The following C6orf62 variants were observed in gnomAD, a reference collection of about 807,000 sequenced individuals.
The protein encoded by C6orf62 is uncharacterized protein C6orf62.
A neutral mutation model predicts 26.8 loss-of-function variants in C6orf62; 16 were observed. The observed-to-expected ratio is 0.60, with a 90% CI of 0.40 to 0.91. The LOEUF is 0.91. Ranked by LOEUF, C6orf62 falls within the 40% of genes least tolerant of loss-of-function variation. The pLI is 0.00. For missense variants in C6orf62, 192 were observed against 271.4 expected (o/e 0.71, Z 2.06); for synonymous variants, 112 against 91.5 (o/e 1.22, Z -1.28).
rs1258442476 is a variant in C6orf62, at chr6:24,718,525, A to C, written c.129+15T>G. 1.9e-6 allele frequency: 3 copies of C among 1,587,888 alleles called. No homozygotes were observed. The African/African-American group carries it at 4.1e-5, about 22-fold the overall frequency. On this transcript the variant is annotated intron_variant, in intron 1 of 4. Transcript: ENST00000378119. ...AATTACTTGTGCTAATTCACCATTA[A>C]GAACTTTAAATTACCTTCTCCTTGA...
chr6:24,720,119 T>C, upstream of C6orf62: 1 of 1,355,792 alleles, frequency 7.4e-7, no homozygotes, highest in Non-Finnish European at 9.4e-7. Context: ...GGTCGTTAGT[T>C]GTTTCCCGAG....
chr6:24,718,411 C>G (rs1468318797), intron 1 of C6orf62, 129 bp downstream of exon 1: 1 of 892,292 alleles, frequency 1.1e-6, no homozygotes. Flanking sequence ...GGTGAAAAAA[C>G]AGAGCATACA....
intron 2 of C6orf62, among the ~76,000 whole-genome samples, chr6:24,715,228 A>G (rs1187850993): frequency 1.3e-5 from 2 of 152,184 alleles, no homozygotes; most frequent in Admixed American, 6.5e-5. Context: ...TTGAAGGTCC[A>G]TAATTTCTTC....
At chr6:24,710,196 A>C (rs1562168721) in intron 3 of C6orf62, 1 of 985,262 alleles carries the variant, frequency 1.0e-6, no homozygotes, top group Non-Finnish European at 1.2e-6. Context: ...GGACAAGTAC[A>C]GCCAAATATA....
upstream of C6orf62, chr6:24,719,617 T>A: frequency 7.0e-7 from 1 of 1,429,660 alleles, no homozygotes; most frequent in Non-Finnish European, 9.1e-7. Flanking sequence ...TGGTTAGACC[T>A]GATTAATGCC....
At chr6:24,719,754 AGGT>A, upstream of C6orf62, 1 of 1,541,684 alleles carries the variant, frequency 6.5e-7, no homozygotes, top group Non-Finnish European at 8.7e-7. Context: ...GCCGAGGCAA[AGGT>A]GGCGGGTTCT....
rs1779294570 is a variant in C6orf62 at position 24,718,932 on chromosome 6, A to G, written c.-264T>C. The stretch of plus-strand genomic sequence containing the variant: ...GTCAGACGGGAAAAAGGGAGGAAAG[A>G]AAGGAAAGAAAGAGGAGAAAATAAC... On this transcript the variant is annotated 5_prime_UTR_variant, in exon 1 of 5. Transcript: ENST00000378119. The G allele has an allele frequency of 2.4e-6, 3 of 1,252,112 alleles. No individual in the cohort carries two copies. Among genetic ancestry groups the G allele is most frequent in the Non-Finnish European group, 3.0e-6 (3 of 995,758 alleles). The allele number at this position is 1,252,112 out of a possible 1,614,324, so 77.6% of individuals were successfully genotyped here. A position where few individuals can be genotyped will look rare whatever the true frequency, so the allele number is the denominator to read the frequency against.
chr6:24,711,976 G>C (rs1779128565), intron 3 of C6orf62, among the ~76,000 whole-genome samples: 1 of 152,154 alleles, frequency 6.6e-6, no homozygotes, highest in African/African-American at 2.4e-5. Context: ...AGCACAGTCA[G>C]TCCAGGCTTT....
Position 24,719,005 on chromosome 6 carries a change from T to C in C6orf62, c.-337A>G, listed in dbSNP as rs956928550. 3 of 1,124,626 alleles carry C rather than the reference T, an allele frequency of 2.7e-6. No individual in the cohort carries two copies. The highest frequency in any genetic ancestry group is 5.0e-5 in the Admixed American group (1 of 20,032). 69.7% of individuals were successfully genotyped at this position (1,124,626 alleles called of 1,614,324 possible). On this transcript the variant is annotated 5_prime_UTR_variant, in exon 1 of 5. Coordinates refer to ENST00000378119, the MANE Select transcript of C6orf62 (RefSeq NM_030939.5). ...GGCTTAACTGCCAAAATAAAGGCTT[T>C]GCGGAGAAATGAAAAGCCTATAATC...
At chr6:24,717,260 A>C (rs1181231871) in intron 1 of C6orf62, among the ~76,000 whole-genome samples, 3 of 152,220 alleles carry the variant, frequency 2.0e-5, no homozygotes, top group Non-Finnish European at 2.9e-5. Flanking sequence ...TTAAATACAA[A>C]GATATGGTCT....
chr6:24,720,292 G>A (rs1779330317), upstream of C6orf62: 3 of 1,309,670 alleles, frequency 2.3e-6, no homozygotes, highest in Non-Finnish European at 2.9e-6. Flanking sequence ...AAGAGGCGGC[G>A]GCGGCGGGGG....
chr6:24,713,178 A>AG (rs1779155330), intron 3 of C6orf62, among the ~76,000 whole-genome samples: 1 of 152,234 alleles, frequency 6.6e-6, no homozygotes, highest in African/African-American at 2.4e-5. Context: ...ACCTGGATGT[A>AG]GTCCCATCAT....
At chr6:24,712,442 G>A (rs1322657744) in intron 3 of C6orf62, among the ~76,000 whole-genome samples, 2 of 151,926 alleles carry the variant, frequency 1.3e-5, no homozygotes, top group African/African-American at 2.4e-5. Context: ...AGGCCGAGGC[G>A]GGTGAATCAC....
rs1581394014 is a variant in C6orf62, at chr6:24,708,769, C to G, written c.564+8G>C. The G allele has an allele frequency of 2.5e-6, 4 of 1,613,988 alleles. No homozygotes were observed. The highest frequency in any genetic ancestry group is 1.3e-5 in the African/African-American group (1 of 74,926). Reference sequence around the variant, plus strand: ...AGCCTGTAAGTGGTTTTCAAAAAAGCTGCTTACCTGCAAGTGCTGTCTGTC... The same window carrying G: ...AGCCTGTAAGTGGTTTTCAAAAAAGGTGCTTACCTGCAAGTGCTGTCTGTC... On this transcript the variant is annotated splice_region_variant and intron_variant, in intron 4 of 4. Coordinates refer to ENST00000378119, the MANE Select transcript of C6orf62 (RefSeq NM_030939.5).
chr6:24,706,542 T>C (rs6931809), intron 4 of C6orf62, among the ~76,000 whole-genome samples: 42,918 of 152,088 alleles, frequency 0.28, 6,265 homozygotes, highest in African/African-American at 0.33. Flanking sequence ...TTTGAGAAGT[T>C]TGAAGTCATT....
At chr6:24,707,191 C>T (rs182357466) in intron 4 of C6orf62, 7 of 152,208 alleles carry the variant, frequency 4.6e-5, no homozygotes, top group East Asian at 1.9e-4. Context: ...AACAACCTTA[C>T]GTTAAATTTA....
upstream of C6orf62, chr6:24,720,432 G>A (rs1249163349): frequency 1.8e-6 from 2 of 1,116,584 alleles, no homozygotes; most frequent in African/African-American, 1.6e-5. Context: ...CCCCCACCTG[G>A]GACCCATAGT....
At chr6:24,711,128 C>T (rs982261662) in intron 3 of C6orf62, among the ~76,000 whole-genome samples, 2 of 152,076 alleles carry the variant, frequency 1.3e-5, no homozygotes, top group Non-Finnish European at 1.5e-5. Flanking sequence ...GTGCAAGAAC[C>T]GGTAACCACA....
chr6:24,714,778 G>A lies in C6orf62; in HGVS notation c.307-338C>T, dbSNP rs374575169. Among the ~76,000 whole-genome samples, 93 of 152,104 alleles carry A rather than the reference G, an allele frequency of 6.1e-4. No individual in the cohort carries two copies. In the South Asian group the frequency reaches 0.017, roughly 28 times the overall value. ...TTACAAGTGTGTGCCACCATGCCCC[G>A]CTAATATTTTTTGTATTTTTAATAG... On this transcript the variant is annotated intron_variant, in intron 2 of 4. Coordinates refer to ENST00000378119, the MANE Select transcript of C6orf62 (RefSeq NM_030939.5).
Sources: gnomAD v4.1 joint callset for allele counts (sites outside exome capture counted in the v4.1 genomes callset) on GRCh38, gnomAD v4.1.1 for gene constraint, MANE v1.5 for transcripts, NCBI Gene and HGNC (gene_info 2026-07-23, HGNC 2026-07-21) for gene names.